The following DNAAF5 variants were observed in gnomAD, a reference collection of about 807,000 sequenced individuals.
DNAAF5 encodes dynein axonemal assembly factor 5.
In DNAAF5, 64 loss-of-function variants were observed where a neutral mutation model predicts 75.8. That is an observed-to-expected ratio of 0.84 (90% CI 0.69 to 1.04). DNAAF5 has a LOEUF of 1.04. Among genes scored for constraint, DNAAF5 ranks in the 50% least tolerant of loss-of-function variants. DNAAF5 has a pLI of 0.00. For synonymous variants in DNAAF5, 657 were observed against 557.2 expected (o/e 1.18, Z -2.52); for missense variants, 1,269 against 1,178.5 (o/e 1.08, Z -1.12).
Position 726,777 on chromosome 7 carries a change from C to T in DNAAF5, c.57C>T (p.Ala19=), listed in dbSNP as rs1583467433. Residue 19 remains alanine (A), a synonymous_variant, in exon 1 of 13, where the codon GCC becomes GCT. Coordinates refer to ENST00000297440, the MANE Select transcript of DNAAF5 (RefSeq NM_017802.4). The part of the protein sequence containing the change: ...AVAAPHPAEG[A]ETAEAVELSR... Reference sequence around the variant, plus strand: ...CGGCCCCACACCCGGCTGAGGGGGCCGAGACGGCTGAGGCGGTGGAGCTGA... The same window carrying T: ...CGGCCCCACACCCGGCTGAGGGGGCTGAGACGGCTGAGGCGGTGGAGCTGA... 1 of 1,269,204 alleles carries T rather than the reference C, an allele frequency of 7.9e-7. No homozygotes were observed. The highest frequency in any genetic ancestry group is 9.9e-7 in the Non-Finnish European group (1 of 1,009,312). The allele number at this position is 1,269,204 out of a possible 1,614,324, so 78.6% of individuals were successfully genotyped here.
intron 9 of DNAAF5, 23 bp downstream of exon 9, chr7:770,641 C>A (rs770991378): frequency 6.2e-7 from 1 of 1,607,738 alleles, no homozygotes; most frequent in Non-Finnish European, 8.5e-7. Flanking sequence ...TCTGCCTCTG[C>A]ACGGCCCCCA....
At chr7:742,324 C>T (rs547468417) in intron 4 of DNAAF5, among the ~76,000 whole-genome samples, 2 of 152,224 alleles carry the variant, frequency 1.3e-5, no homozygotes, top group East Asian at 1.9e-4. Context: ...AGATGCCCAG[C>T]TCAAATCAGA....
rs1455449973 is a variant in DNAAF5 at position 770,593 on chromosome 7, G to A, written c.1906G>A (p.Ala636Thr). 4 of 1,613,646 alleles carry A rather than the reference G, an allele frequency of 2.5e-6. No homozygotes were observed. The African/African-American group carries it at 4.0e-5, about 16-fold the overall frequency. ...CATCCTGTCCACCGTGCTGCTCAGAGCCACGGACACCATCAACTCCCAGGG... is the reference window on the plus strand; with the variant it reads ...CATCCTGTCCACCGTGCTGCTCAGAACCACGGACACCATCAACTCCCAGGG... Reference protein sequence around the residue: ...FSILSTVLLRATDTINSQGQF... With the variant: ...FSILSTVLLRTTDTINSQGQF... Residue 636 changes from alanine to threonine, a missense_variant, in exon 9 of 13, where the codon GCC (alanine) becomes ACC (threonine). Coordinates refer to ENST00000297440, the MANE Select transcript of DNAAF5 (RefSeq NM_017802.4).
intron 4 of DNAAF5, among the ~76,000 whole-genome samples, chr7:750,151 G>A (rs931074140): frequency 6.6e-6 from 1 of 152,200 alleles, no homozygotes; most frequent in African/African-American, 2.4e-5. Flanking sequence ...TTCTGTGTTT[G>A]GAAACACTCA....
chr7:748,588 C>T (rs1279699614), intron 4 of DNAAF5, among the ~76,000 whole-genome samples: 1 of 152,166 alleles, frequency 6.6e-6, no homozygotes, highest in Non-Finnish European at 1.5e-5. Flanking sequence ...CTCCTCAGAG[C>T]TCCGGCAGCT....
At chr7:777,326 A>G (rs971781427) in intron 11 of DNAAF5, among the ~76,000 whole-genome samples, 2 of 152,134 alleles carry the variant, frequency 1.3e-5, no homozygotes, top group Non-Finnish European at 2.9e-5. Context: ...GCAGCCTCGC[A>G]CCCAGCCCGG....
At chr7:731,588 C>T (rs770344339) in intron 2 of DNAAF5, among the ~76,000 whole-genome samples, 2 of 152,230 alleles carry the variant, frequency 1.3e-5, no homozygotes, top group Non-Finnish European at 2.9e-5. Flanking sequence ...GTCCAACCTG[C>T]GGCCCGTGGG....
intron 4 of DNAAF5, among the ~76,000 whole-genome samples, chr7:752,093 C>T (rs555186897): frequency 1.8e-4 from 27 of 152,182 alleles, no homozygotes; most frequent in African/African-American, 6.3e-4. Flanking sequence ...ATGAGCAGAA[C>T]GAGAGCGTCC....
chr7:757,240 C>CAGCCCT (rs751444375), intron 6 of DNAAF5, among the ~76,000 whole-genome samples: 3 of 152,172 alleles, frequency 2.0e-5, no homozygotes, highest in Non-Finnish European at 4.4e-5. Flanking sequence ...TGCAGAGCTC[C>CAGCCCT]AGCCCCAGCC....
intron 11 of DNAAF5, among the ~76,000 whole-genome samples, chr7:776,788 C>A (rs1336638616): frequency 6.6e-6 from 1 of 152,214 alleles, no homozygotes; most frequent in African/African-American, 2.4e-5. Context: ...CCCCCGCCAC[C>A]CAGGCCATGG....
intron 11 of DNAAF5, among the ~76,000 whole-genome samples, chr7:776,642 A>T (rs962628299): frequency 1.3e-5 from 2 of 152,178 alleles, no homozygotes; most frequent in Non-Finnish European, 2.9e-5. Context: ...GACCAACCCC[A>T]GGTGAGAGCA....
chr7:743,443 C>A (rs1007215045), intron 4 of DNAAF5, among the ~76,000 whole-genome samples: 3 of 152,048 alleles, frequency 2.0e-5, no homozygotes, highest in Non-Finnish European at 2.9e-5. Context: ...GTTAAATCCA[C>A]GCCTACAGAG....
intron 1 of DNAAF5, among the ~76,000 whole-genome samples, chr7:728,194 C>T (rs1781429088): frequency 6.6e-6 from 1 of 152,168 alleles, no homozygotes; most frequent in Non-Finnish European, 1.5e-5. Flanking sequence ...TGCCCTTTCC[C>T]TCCCCTGGCT....
In DNAAF5 at chr7:726,999, C is replaced by G; in HGVS notation, c.279C>G (p.Arg93=). ...TGAGCGACCCCGCCGAGGGCTGCCG[C>G]GCGCTGGCAGTGCACCTGCTGGATC... ...RCLSDPAEGC[R]ALAVHLLDLG... Residue 93 remains arginine, a synonymous_variant, in exon 1 of 13, where the codon CGC becomes CGG. Transcript: ENST00000297440. 2 of 1,255,192 alleles carry G rather than the reference C, an allele frequency of 1.6e-6. No individual in the cohort carries two copies. The highest frequency in any genetic ancestry group is 2.0e-6 in the Non-Finnish European group (2 of 995,420). 77.8% of individuals were successfully genotyped at this position (1,255,192 alleles called of 1,614,324 possible). A position where few individuals can be genotyped will look rare whatever the true frequency, so the allele number is the denominator to read the frequency against.
At chr7:785,484 C>A (rs1349835948) in intron 12 of DNAAF5, 33 bp from the exon 13 acceptor site, 1 of 1,605,110 alleles carries the variant, frequency 6.2e-7, no homozygotes, top group Non-Finnish European at 8.5e-7. Flanking sequence ...ATGTTTGTTT[C>A]TGGCATGTTC....
Position 754,717 on chromosome 7 carries a change from G to C in DNAAF5, c.1153G>C (p.Val385Leu). 1 of 1,613,932 alleles carries C rather than the reference G, an allele frequency of 6.2e-7. No homozygotes were observed. ...AGTGAAGTCGGCACAGCTGCTCCCA[G>C]TGCTGCTGCTGCATGCCGAGGACCA... ...TRVKSAQLLP[V>L]LLLHAEDHAT... The change falls in exon 5 of 13, where the codon GTG becomes CTG. Residue 385 changes from valine to leucine, a missense_variant. Transcript: ENST00000297440. The surrounding 1 kb of genome is among the most constrained non-coding windows in gnomAD (Gnocchi z 4.8).
chr7:739,830 G>A lies in DNAAF5; in HGVS notation c.781-989G>A, dbSNP rs187452492. Among the ~76,000 whole-genome samples, 721 of 152,264 alleles carry A rather than the reference G, an allele frequency of 4.7e-3. 6 individuals are homozygous for A. Among genetic ancestry groups the A allele is most frequent in the Non-Finnish European group, 8.2e-3 (556 of 67,998 alleles). The stretch of plus-strand genomic sequence containing the variant: ...GGCTCTGGGCCTTGTTGGAGCCGGG[G>A]CGGAGCAGCCCCTCCTCCGAGTCCC... On this transcript the variant is annotated intron_variant, in intron 2 of 12. Coordinates refer to ENST00000297440, the MANE Select transcript of DNAAF5 (RefSeq NM_017802.4).
At chr7:751,586 T>C (rs1293981860) in intron 4 of DNAAF5, among the ~76,000 whole-genome samples, 1 of 148,846 alleles carries the variant, frequency 6.7e-6, no homozygotes, top group Non-Finnish European at 1.5e-5. Flanking sequence ...TTTTTTTTTT[T>C]TTTTTGAGAT....
intron 7 of DNAAF5, 98 bp from the exon 8 acceptor site, chr7:763,708 T>C (rs1782735644): frequency 7.3e-7 from 1 of 1,363,272 alleles, no homozygotes; most frequent in Non-Finnish European, 1.0e-6. Flanking sequence ...CCGGCCTGTG[T>C]GGTTCTTACG....
Sources: allele counts gnomAD v4.1 joint callset (sites outside exome capture counted in the v4.1 genomes callset), GRCh38; gene constraint gnomAD v4.1.1; non-coding constraint Gnocchi (gnomAD v3.1); transcripts MANE v1.5; gene names NCBI Gene and HGNC (gene_info 2026-07-23, HGNC 2026-07-21).